Variants in ATG10 observed in about 807,000 individuals in gnomAD.
The protein encoded by ATG10 is ubiquitin-like-conjugating enzyme ATG10.
Under a neutral mutation model 32.1 loss-of-function variants are expected in ATG10, and 30 were observed. That is an observed-to-expected ratio of 0.94 (90% confidence interval 0.70 to 1.27). The LOEUF (loss-of-function observed/expected upper bound fraction) is 1.27, where lower values mean the gene tolerates loss of function less well. Among genes scored for constraint, ATG10 ranks in the 50% most tolerant of loss-of-function variants. ATG10 has a pLI of 0.00. For missense variants in ATG10, 233 were observed against 262.3 expected, an observed-to-expected ratio of 0.89 and a Z score of 0.77; for synonymous variants, 87 against 91.5, an observed-to-expected ratio of 0.95 and a Z score of 0.28.
chr5:81,975,696 G>A (rs1373816236), intron 1 of ATG10, among the ~76,000 whole-genome samples: 1 of 151,602 alleles, frequency 6.6e-6, no homozygotes, highest in Non-Finnish European at 1.5e-5. Flanking sequence ...AAAAAAAAGT[G>A]TCTCAGACCT....
At chr5:81,983,895 T>G (rs1761163678) in intron 1 of ATG10, among the ~76,000 whole-genome samples, 1 of 148,496 alleles carries the variant, frequency 6.7e-6, no homozygotes, top group African/African-American at 2.5e-5. Context: ...TCCCCACATC[T>G]CAGACTATGG....
intron 2 of ATG10, among the ~76,000 whole-genome samples, chr5:82,008,178 G>C (rs1372565744): frequency 6.6e-6 from 1 of 152,018 alleles, no homozygotes; most frequent in African/African-American, 2.4e-5. Flanking sequence ...GTGTAATACT[G>C]TATTTGTTTA....
intron 5 of ATG10, chr5:82,242,895 A>T: frequency 2.3e-6 from 1 of 441,112 alleles, no homozygotes; most frequent in South Asian, 1.7e-5. Flanking sequence ...AAGCAAAAAG[A>T]ATAGTAAAAT....
chr5:82,246,527 A>G (rs1006375345), intron 5 of ATG10, among the ~76,000 whole-genome samples: 1 of 148,292 alleles, frequency 6.7e-6, no homozygotes, highest in Middle Eastern at 3.4e-3. Context: ...CTCTTAAAAA[A>G]AAAAAAAGAA....
intron 5 of ATG10, among the ~76,000 whole-genome samples, chr5:82,201,576 C>T (rs1581796932): frequency 6.6e-6 from 1 of 152,084 alleles, no homozygotes; most frequent in Non-Finnish European, 1.5e-5. Flanking sequence ...CTTGATAAAC[C>T]CTGTCTCTAA....
At chr5:82,228,768 TA>T (rs1746235881) in intron 5 of ATG10, among the ~76,000 whole-genome samples, 2 of 152,316 alleles carry the variant, frequency 1.3e-5, no homozygotes, top group South Asian at 4.1e-4. Flanking sequence ...GGTATATAGA[TA>T]GATGTTTTTT....
chr5:82,212,420 G>A (rs573318218), intron 5 of ATG10, among the ~76,000 whole-genome samples: 1 of 152,136 alleles, frequency 6.6e-6, no homozygotes, highest in Non-Finnish European at 1.5e-5. Flanking sequence ...TGGTATACAA[G>A]CACCTTTATT....
At chr5:82,189,084 A>G (rs888108014) in intron 5 of ATG10, among the ~76,000 whole-genome samples, 4 of 152,202 alleles carry the variant, frequency 2.6e-5, no homozygotes, top group African/African-American at 9.6e-5. Flanking sequence ...TTTTCAGTAT[A>G]TTAATGCAGT....
intron 3 of ATG10, among the ~76,000 whole-genome samples, chr5:82,129,749 G>T (rs1365348390): frequency 6.6e-6 from 1 of 152,118 alleles, no homozygotes; most frequent in African/African-American, 2.4e-5. Flanking sequence ...CCAGATGCCA[G>T]CTGAAGCTCT....
chr5:82,147,219 A>C, intron 3 of ATG10: 1 of 231,274 alleles, frequency 4.3e-6, no homozygotes, highest in South Asian at 4.1e-5. Flanking sequence ...CCCAGGCTGG[A>C]GTGCAGTTGC....
intron 3 of ATG10, among the ~76,000 whole-genome samples, chr5:82,070,218 G>T (rs1390112389): frequency 1.3e-5 from 2 of 152,122 alleles, no homozygotes; most frequent in Non-Finnish European, 2.9e-5. Flanking sequence ...GCATTTTTTG[G>T]TCAGTGAATG....
chr5:82,034,890 G>A (rs1021907693), intron 2 of ATG10, among the ~76,000 whole-genome samples: 6 of 151,630 alleles, frequency 4.0e-5, no homozygotes, highest in Non-Finnish European at 2.9e-5. Context: ...TTTCTTACTC[G>A]GATTTATTCA....
intron 5 of ATG10, among the ~76,000 whole-genome samples, chr5:82,232,371 G>A (rs1746397617): frequency 6.6e-6 from 1 of 152,128 alleles, no homozygotes; most frequent in African/African-American, 2.4e-5. Context: ...GTCTTAGCAG[G>A]CTTGGCATTG....
intron 3 of ATG10, among the ~76,000 whole-genome samples, chr5:82,118,727 T>G (rs532191207): frequency 6.6e-6 from 1 of 152,242 alleles, no homozygotes; most frequent in African/African-American, 2.4e-5. Flanking sequence ...AAGTGGATGC[T>G]GAAGCCATGG....
chr5:82,152,176 A>G (rs1428940), intron 3 of ATG10, among the ~76,000 whole-genome samples: 29,223 of 152,232 alleles, frequency 0.19, 3,184 homozygotes, highest in Middle Eastern at 0.28. Flanking sequence ...AGATTTACAT[A>G]TTTGGAACCC....
At chr5:82,139,980 A>G (rs1183349728) in intron 3 of ATG10, among the ~76,000 whole-genome samples, 2 of 118,484 alleles carry the variant, frequency 1.7e-5, no homozygotes, top group East Asian at 2.7e-4. Context: ...CCCGTCAGGG[A>G]GGTGAGGGGC....
At chr5:82,059,697 T>C (rs1183062346) in intron 3 of ATG10, among the ~76,000 whole-genome samples, 1 of 152,144 alleles carries the variant, frequency 6.6e-6, no homozygotes, top group East Asian at 1.9e-4. Flanking sequence ...TCTCAGAACA[T>C]GTTAAATCAG....
intron 3 of ATG10, among the ~76,000 whole-genome samples, chr5:82,070,951 C>G (rs1007933988): frequency 2.6e-5 from 4 of 152,066 alleles, no homozygotes; most frequent in African/African-American, 9.7e-5. Flanking sequence ...CTTTCTTGAC[C>G]ACGTTGTAAC....
intron 5 of ATG10, among the ~76,000 whole-genome samples, chr5:82,214,575 A>G (rs1745606180): frequency 6.6e-6 from 1 of 152,194 alleles, no homozygotes; most frequent in East Asian, 1.9e-4. Context: ...TCTTACGTTT[A>G]TGTGTAAAAG....
Sources: gnomAD v4.1 joint callset for allele counts (sites outside exome capture counted in the v4.1 genomes callset) on GRCh38, gnomAD v4.1.1 for gene constraint, MANE v1.5 for transcripts, NCBI Gene and HGNC (gene_info 2026-07-23, HGNC 2026-07-21) for gene names.